Variants in NOTCH2 observed in about 807,000 individuals in gnomAD.
The protein encoded by NOTCH2 is notch receptor 2, also known as neurogenic locus notch homolog protein 2.
NOTCH2 carries 29 observed loss-of-function variants against 235.8 expected under a neutral mutation model. That is an observed-to-expected ratio of 0.12 (90% CI 0.09 to 0.17). NOTCH2 has a LOEUF of 0.17. NOTCH2 is among the 10% of genes least tolerant of loss of function. NOTCH2 has a pLI of 1.00. For synonymous variants in NOTCH2, 1,086 were observed against 1,141.5 expected, an observed-to-expected ratio of 0.95 and a Z score of 0.98; for missense variants, 2,285 against 3,150.2, an observed-to-expected ratio of 0.73 and a Z score of 6.57.
chr1:120,023,306 G>A (rs1390033467), intron 2 of NOTCH2, among the ~76,000 whole-genome samples: 44 of 151,096 alleles, frequency 2.9e-4, no homozygotes, highest in Non-Finnish European at 5.2e-4. Context: ...GCGTGGTGGC[G>A]GGCGCTTGTA....
At position 119,914,815 on chromosome 1, in the gene NOTCH2, C is replaced by T. The variant is rs41277620; in HGVS notation, c.*491G>A. 476 of 301,874 alleles carry T rather than the reference C, an allele frequency of 1.6e-3. 1 individual carries two copies. Among genetic ancestry groups the T allele is most frequent in the African/African-American group, 8.8e-3 (421 of 47,604 alleles). 18.7% of individuals were successfully genotyped at this position (301,874 alleles called of 1,614,324 possible). On this transcript the variant is annotated 3_prime_UTR_variant, in exon 34 of 34. Coordinates refer to ENST00000256646, the MANE Select transcript of NOTCH2 (RefSeq NM_024408.4). The stretch of plus-strand genomic sequence containing the variant: ...TAACATGCTGGTAGGGCTACAATCA[C>T]GGAGAGGTGCAAAACCAAAAGCACC...
At chr1:119,975,817 G>A (rs1203785296) in intron 5 of NOTCH2, among the ~76,000 whole-genome samples, 3 of 152,210 alleles carry the variant, frequency 2.0e-5, no homozygotes, top group African/African-American at 7.2e-5. Context: ...GCTGTAACAC[G>A]CAGGGACACA....
chr1:119,988,245 C>A (rs1401494410), intron 4 of NOTCH2, among the ~76,000 whole-genome samples: 9 of 152,164 alleles, frequency 5.9e-5, no homozygotes, highest in Non-Finnish European at 1.3e-4. Flanking sequence ...TCTACATCTG[C>A]TCTGCTACAC....
intron 1 of NOTCH2, among the ~76,000 whole-genome samples, chr1:120,036,872 G>A (rs1234446000): frequency 1.3e-5 from 2 of 151,932 alleles, no homozygotes; most frequent in African/African-American, 4.8e-5. Flanking sequence ...TTTCCTCTAG[G>A]CATTTACCTA....
chr1:119,937,904 T>C lies in NOTCH2; in HGVS notation c.3290A>G (p.Tyr1097Cys). ...CLCPSGWAGA[Y>C]CDVPNVSCDI... ...ACAAGAGACATTGGGCACGTCACAA[T>C]AGGCACCAGCCCATCCAGATGGACA... The change falls in exon 20 of 34, where the codon TAT (tyrosine) becomes TGT (cysteine). Residue 1097 changes from tyrosine (Y) to cysteine (C), a missense_variant. Tyr to Cys is a radical substitution (Grantham distance 194). Around this residue, in one of 6 missense-constraint regions of NOTCH2, gnomAD observed 1,173 missense variants for 1,515.3 expected, o/e 0.77. Coordinates refer to ENST00000256646, the MANE Select transcript of NOTCH2 (RefSeq NM_024408.4). 1 of 1,614,208 alleles carries C rather than the reference T, an allele frequency of 6.2e-7. No homozygotes were observed. The highest frequency in any genetic ancestry group is 8.5e-7 in the Non-Finnish European group (1 of 1,180,046).
chr1:119,927,052 G>C (rs189640356), intron 23 of NOTCH2, among the ~76,000 whole-genome samples: 131 of 152,342 alleles, frequency 8.6e-4, no homozygotes, highest in Non-Finnish European at 1.5e-3. Context: ...TTGCGGTATA[G>C]AGAATTTTCA....
intron 1 of NOTCH2, among the ~76,000 whole-genome samples, chr1:120,065,727 A>C (rs2101439012): frequency 6.6e-6 from 1 of 152,296 alleles, no homozygotes; most frequent in African/African-American, 2.4e-5. Flanking sequence ...TGACAAAGAA[A>C]GAAAAGAAGA....
intron 9 of NOTCH2, 27 bp from the exon 10 acceptor site, chr1:119,965,593 G>A (rs1019874580): frequency 1.4e-6 from 2 of 1,433,986 alleles, no homozygotes; most frequent in Admixed American, 3.3e-5. Context: ...GGTAACATGA[G>A]TCAAAGGATT....
chr1:119,956,844 T>A (rs1650721354), intron 12 of NOTCH2, among the ~76,000 whole-genome samples: 1 of 152,208 alleles, frequency 6.6e-6, no homozygotes, highest in Non-Finnish European at 1.5e-5. Flanking sequence ...TTAAATGCAG[T>A]CCACTATGTT....
chr1:120,006,727 T>C (rs587656635), intron 2 of NOTCH2, among the ~76,000 whole-genome samples: 2 of 151,560 alleles, frequency 1.3e-5, no homozygotes, highest in Admixed American at 6.6e-5. Flanking sequence ...AGATTACACA[T>C]TTAAACCAAA....
At chr1:120,015,025 G>C (rs1653377888) in intron 2 of NOTCH2, among the ~76,000 whole-genome samples, 1 of 145,148 alleles carries the variant, frequency 6.9e-6, no homozygotes, top group African/African-American at 2.5e-5. Context: ...CGAGGATTTG[G>C]CCATTCAAAA....
chr1:119,943,715 T>G (rs192139371), intron 17 of NOTCH2, among the ~76,000 whole-genome samples: 1 of 151,834 alleles, frequency 6.6e-6, no homozygotes, highest in Admixed American at 6.6e-5. Context: ...TCAAAATGAG[T>G]AGAAAAAATA....
At chr1:119,918,377 G>C in intron 32 of NOTCH2, 29 bp downstream of exon 32, 1 of 1,612,868 alleles carries the variant, frequency 6.2e-7, no homozygotes, top group Non-Finnish European at 8.5e-7. Context: ...TTGCAGGTAA[G>C]AATCCAAATC....
At chr1:119,949,675 G>A (rs758510093) in intron 15 of NOTCH2, among the ~76,000 whole-genome samples, 12 of 152,046 alleles carry the variant, frequency 7.9e-5, no homozygotes, top group Non-Finnish European at 1.5e-4. Flanking sequence ...GTGAGCCACC[G>A]TGCCTGGCCT....
At chr1:119,985,108 C>T (rs972722977) in intron 5 of NOTCH2, among the ~76,000 whole-genome samples, 19 of 152,216 alleles carry the variant, frequency 1.2e-4, no homozygotes, top group African/African-American at 4.3e-4. Flanking sequence ...GGGAAGCAGA[C>T]AGAGCTGAAG....
intron 22 of NOTCH2, chr1:119,935,239 T>C: frequency 7.0e-7 from 1 of 1,423,112 alleles, no homozygotes; most frequent in Non-Finnish European, 9.2e-7. Flanking sequence ...CTGTGTTTCA[T>C]GGAATATCAA....
At position 119,915,725 on chromosome 1, in the gene NOTCH2, C is replaced by G. The variant is rs143506822; in HGVS notation, c.6997G>C (p.Ala2333Pro). Residue 2333 changes from alanine to proline, a missense_variant, in exon 34 of 34, where the codon GCG (alanine) becomes CCG (proline). This residue lies in a region of NOTCH2 where 504 missense variants were observed against 538.0 expected (regional missense o/e 0.94). Transcript: ENST00000256646. ...TGGTACATGGTGGGCAGGGGGCCCG[C>G]AACAGCTGGAGGGCAGGTGGACTGA... is the stretch of plus-strand genomic sequence containing the variant. ...QPQSTCPPAVAGPLPTMYQIP... is the reference protein window; with the variant it reads ...QPQSTCPPAVPGPLPTMYQIP... The G allele has an allele frequency of 3.4e-5, 54 of 1,608,350 alleles. No individual in the cohort carries two copies. In the African/African-American group the frequency reaches 6.8e-4, roughly 20 times the overall value.
chr1:119,930,606 C>T (rs587677482), intron 22 of NOTCH2, among the ~76,000 whole-genome samples: 43 of 150,978 alleles, frequency 2.8e-4, no homozygotes, highest in Non-Finnish European at 5.6e-4. Flanking sequence ...CAGTGAAACC[C>T]CATCTCTACT....
chr1:119,915,016 TC>T lies in NOTCH2; in HGVS notation c.*289del, dbSNP rs1390996797. 2 of 484,690 alleles carry T rather than the reference TC, an allele frequency of 4.1e-6. No individual in the cohort carries two copies. The highest frequency in any genetic ancestry group is 3.8e-5 in the African/African-American group (2 of 52,070). 30.0% of individuals were successfully genotyped at this position (484,690 alleles called of 1,614,324 possible). A position where few individuals can be genotyped will look rare whatever the true frequency, so the allele number is the denominator to read the frequency against. ...AAGAATGTCTGGGCTTCAATAAGCA[TC>T]CATCTTATTCTCCAAATAGAAGAGA... On this transcript the variant is annotated 3_prime_UTR_variant, in exon 34 of 34. Transcript: ENST00000256646.
Sources: gnomAD v4.1 joint callset for allele counts (sites outside exome capture counted in the v4.1 genomes callset) on GRCh38, gnomAD v4.1.1 for gene constraint, gnomAD v4.1.1 regional missense constraint, MANE v1.5 for transcripts, NCBI Gene and HGNC (gene_info 2026-07-23, HGNC 2026-07-21) for gene names.